The following LINGO1 variants were observed in gnomAD, a reference collection of about 807,000 sequenced individuals.
LINGO1 encodes the protein leucine rich repeat and Ig domain containing 1.
LINGO1 carries 11 observed loss-of-function variants against 37.3 expected under a neutral mutation model. The observed-to-expected ratio is 0.29, with a 90% CI of 0.19 to 0.49. The LOEUF (loss-of-function observed/expected upper bound fraction) is 0.49, where lower values mean the gene tolerates loss of function less well. Among genes scored for constraint, LINGO1 ranks in the 20% least tolerant of loss-of-function variants. The pLI is 0.99. For synonymous variants in LINGO1, 387 were observed against 403.0 expected (o/e 0.96, Z 0.48); for missense variants, 585 against 878.2 (o/e 0.67, Z 4.22).
At chr15:77,790,517 G>T (rs7165417), upstream of LINGO1, among the ~76,000 whole-genome samples, 29,545 of 152,110 alleles carry the variant, frequency 0.19, 3,178 homozygotes, top group Admixed American at 0.33. Flanking sequence ...GGGCCAGGGT[G>T]GGGGGTGGTC....
intron 3 of LINGO1, chr15:77,646,425 G>C: frequency 2.2e-6 from 1 of 455,722 alleles, no homozygotes; most frequent in Non-Finnish European, 4.4e-6. Flanking sequence ...CGGCTAGGGG[G>C]CAGGGAAGGC....
chr15:77,807,577 G>C (rs999259153), intron 1 of LINGO1, among the ~76,000 whole-genome samples: 39 of 152,120 alleles, frequency 2.6e-4, no homozygotes, highest in African/African-American at 9.2e-4. Flanking sequence ...GGGTGTTCCT[G>C]CCTCCCTGCA....
intron 3 of LINGO1, among the ~76,000 whole-genome samples, chr15:77,650,171 G>A (rs973673524): frequency 9.2e-5 from 14 of 152,224 alleles, no homozygotes; most frequent in African/African-American, 2.7e-4. Context: ...GCACTGGGGT[G>A]GCCGATTTGA....
At chr15:77,798,352 C>T (rs1331838950) in intron 1 of LINGO1, among the ~76,000 whole-genome samples, 1 of 152,216 alleles carries the variant, frequency 6.6e-6, no homozygotes, top group Non-Finnish European at 1.5e-5. Context: ...GGAAGGCCTC[C>T]AGACCACCTG....
chr15:77,797,891 G>A (rs1432881587), intron 1 of LINGO1, among the ~76,000 whole-genome samples: 5 of 152,226 alleles, frequency 3.3e-5, no homozygotes, highest in Admixed American at 6.5e-5. Flanking sequence ...ATTTCTAGCC[G>A]CGTGGTAGGT....
chr15:77,634,796 GCTCCCGCCCTCCCGCGCCGCCTC>G (rs1004132034), upstream of LINGO1, among the ~76,000 whole-genome samples: 1 of 149,498 alleles, frequency 6.7e-6, no homozygotes, highest in Non-Finnish European at 1.5e-5. Context: ...CTACCCGTGC[GCTCCCGCCCTCCCGCGCCGCCTC>G]CTCCCACCAG....
chr15:77,783,539 T>G (rs1034852090), intron 1 of LINGO1, among the ~76,000 whole-genome samples: 1 of 152,078 alleles, frequency 6.6e-6, no homozygotes. Context: ...TCTAAACAAC[T>G]TCATGAAGCA....
Position 77,812,987 on chromosome 15 carries a change from G to C in LINGO1, c.-458+7271C>G, listed in dbSNP as rs527706818. The stretch of plus-strand genomic sequence containing the variant: ...GTGTCAGTGGCCACAGAGGCCCCAA[G>C]GGAGGCACTGCATGACCCGGATCAG... On this transcript the variant is annotated intron_variant, in intron 1 of 5. Coordinates refer to the LINGO1 transcript ENST00000562933. Among the ~76,000 whole-genome samples, 5 of 152,352 alleles carry C rather than the reference G, an allele frequency of 3.3e-5. No homozygotes were observed. In the South Asian group the frequency reaches 6.2e-4, roughly 19 times the overall value.
At chr15:77,758,590 C>A (rs1191523884) in intron 1 of LINGO1, among the ~76,000 whole-genome samples, 2 of 152,144 alleles carry the variant, frequency 1.3e-5, no homozygotes, top group Non-Finnish European at 2.9e-5. Context: ...GGAGGACAGC[C>A]AAGCCTCGTA....
chr15:77,633,676 G>A (rs2074335154), upstream of LINGO1, among the ~76,000 whole-genome samples: 1 of 152,232 alleles, frequency 6.6e-6, no homozygotes, highest in Non-Finnish European at 1.5e-5. Flanking sequence ...CCAGCAGAGG[G>A]CAGCGCAGAG....
chr15:77,630,880 C>T (rs2074235094), intron 1 of LINGO1, among the ~76,000 whole-genome samples: 1 of 152,174 alleles, frequency 6.6e-6, no homozygotes, highest in African/African-American at 2.4e-5. Flanking sequence ...GGTCTCTCCC[C>T]GGTGCCACCC....
intron 1 of LINGO1, among the ~76,000 whole-genome samples, chr15:77,627,184 T>C (rs545556561): frequency 1.2e-4 from 19 of 152,234 alleles, no homozygotes; most frequent in African/African-American, 3.6e-4. Flanking sequence ...GCCCTGGTAA[T>C]GTCACCCTGG....
chr15:77,738,673 C>G (rs2076226316), intron 1 of LINGO1, among the ~76,000 whole-genome samples: 1 of 152,058 alleles, frequency 6.6e-6, no homozygotes, highest in African/African-American at 2.4e-5. Context: ...CCGAAGCCAC[C>G]TTGTTCACCT....
intron 1 of LINGO1, among the ~76,000 whole-genome samples, chr15:77,748,423 G>A (rs1287515570): frequency 2.0e-5 from 3 of 152,116 alleles, no homozygotes; most frequent in Admixed American, 2.0e-4. Flanking sequence ...TCACTGCAGG[G>A]ATTCCATGAG....
At position 77,752,006 on chromosome 15, in the gene LINGO1, G is replaced by A. The variant is rs1038727715; in HGVS notation, c.-256-16953C>T. 4.6e-5 allele frequency among the ~76,000 whole-genome samples: 7 copies of A among 152,204 alleles called. No homozygotes were observed. The South Asian group carries it at 6.2e-4, about 13-fold the overall frequency. ...CCTCCTTCTTCAGAGAAGGTGACTC[G>A]AAACCCAGAGAGTCAGCTGTGTCTT... On this transcript the variant is annotated intron_variant, in intron 1 of 3. Coordinates refer to the LINGO1 transcript ENST00000561686.
intron 2 of LINGO1, among the ~76,000 whole-genome samples, chr15:77,733,378 T>G (rs1026370358): frequency 7.9e-5 from 12 of 152,156 alleles, no homozygotes; most frequent in African/African-American, 2.9e-4. Flanking sequence ...TCTTGCTGGC[T>G]GTGGCTGCCT....
intron 3 of LINGO1, among the ~76,000 whole-genome samples, chr15:77,665,324 TTGCCCTGTACCCTGACAGCTAGA>T (rs2075106362): frequency 6.6e-6 from 1 of 152,130 alleles, no homozygotes; most frequent in African/African-American, 2.4e-5. Context: ...ATACCACGCT[TTGCCCTGTACCCTGACAGCTAGA>T]GCCCTGCTCC....
chr15:77,751,819 T>G (rs1182549313), intron 1 of LINGO1, among the ~76,000 whole-genome samples: 2 of 152,138 alleles, frequency 1.3e-5, no homozygotes, highest in African/African-American at 2.4e-5. Context: ...GCAGGATACT[T>G]GAGCTCTAGA....
chr15:77,736,460 TG>T lies in LINGO1; in HGVS notation c.-256-1408del, dbSNP rs201460110. Among the ~76,000 whole-genome samples the T allele has an allele frequency of 5.0e-3, 762 of 152,322 alleles. 7 individuals carry two copies. Among genetic ancestry groups the T allele is most frequent in the African/African-American group, 0.017 (709 of 41,552 alleles). Reference sequence around the variant, plus strand: ...GTGGGTGCTGTGTTGATCCTCATTTTGTAGATGAGAAACTGAAGTGGGCCAG... The same window carrying T: ...GTGGGTGCTGTGTTGATCCTCATTTTTAGATGAGAAACTGAAGTGGGCCAG... On this transcript the variant is annotated intron_variant, in intron 1 of 3. Transcript: ENST00000561686.
Sources: allele counts gnomAD v4.1 joint callset (sites outside exome capture counted in the v4.1 genomes callset), GRCh38; gene constraint gnomAD v4.1.1; transcripts MANE v1.5; gene names NCBI Gene and HGNC (gene_info 2026-07-23, HGNC 2026-07-21).